Variants in ITIH4 observed in about 807,000 individuals in gnomAD.
The protein encoded by ITIH4 is inter-alpha-trypsin inhibitor heavy chain H4.
ITIH4 carries 79 observed loss-of-function variants against 111.8 expected under a neutral mutation model. The observed-to-expected ratio is 0.71, with a 90% confidence interval of 0.59 to 0.85. ITIH4 has a LOEUF of 0.85. Ranked by LOEUF, ITIH4 falls within the 40% of genes least tolerant of loss-of-function variation. The probability of loss-of-function intolerance (pLI) is 0.00; values close to 1 mark genes in which losing one functional copy is unlikely to be tolerated. For missense variants in ITIH4, 1,065 were observed against 1,195.8 expected (o/e 0.89, Z 1.61); for synonymous variants, 472 against 468.3 (o/e 1.01, Z -0.10).
chr3:52,818,877 A>G, intron 17 of ITIH4: 2 of 353,228 alleles, frequency 5.7e-6, no homozygotes, highest in South Asian at 7.0e-5. Context: ...AGTAAAGGAC[A>G]GGTGAAGTCC....
At chr3:52,827,013 G>T in intron 3 of ITIH4, 60 bp from the exon 4 acceptor site, 3 of 1,612,674 alleles carry the variant, frequency 1.9e-6, no homozygotes, top group East Asian at 2.2e-5. Flanking sequence ...GCTGGTAGAG[G>T]TGGGAGCAGG....
Position 52,825,889 on chromosome 3 carries a change from A to T in ITIH4, c.756T>A (p.Ile252=), listed in dbSNP as rs1700472150. The T allele has an allele frequency of 1.2e-6, 2 of 1,613,480 alleles. No homozygotes were observed. The highest frequency in any genetic ancestry group is 1.7e-6 in the Non-Finnish European group (2 of 1,179,766). Residue 252 remains isoleucine, a synonymous_variant, in exon 6 of 24, where the codon ATT becomes ATA. Transcript: ENST00000266041. ...CTCTTGCCTGAAGTCCACCCACCTG[A>T]ATGGAGCCCCCGGAGATGGCCCGGT... is the stretch of plus-strand genomic sequence containing the variant. The part of the protein sequence containing the change: ...DVDRAISGGS[I]QIENGYFVHY...
rs1700492124 is a variant in ITIH4 at position 52,827,023 on chromosome 3, G to A, written c.356+70C>T. On this transcript the variant is annotated intron_variant, in intron 3 of 23. Coordinates refer to ENST00000266041, the MANE Select transcript of ITIH4 (RefSeq NM_002218.5). ...GTAAGGCTGGTAGAGGTGGGAGCAGGACTAAGGGCCAAAGGCAAGGTGGCC... is the reference window on the plus strand; with the variant it reads ...GTAAGGCTGGTAGAGGTGGGAGCAGAACTAAGGGCCAAAGGCAAGGTGGCC... The A allele has an allele frequency of 3.7e-6, 6 of 1,611,980 alleles. No individual in the cohort carries two copies. The Admixed American group carries it at 5.0e-5, about 13-fold the overall frequency.
intron 6 of ITIH4, 191 bp from the exon 7 acceptor site, chr3:52,825,149 G>A: frequency 2.4e-6 from 1 of 423,314 alleles, no homozygotes; most frequent in Non-Finnish European, 4.2e-6. Flanking sequence ...AGCCTTCCCT[G>A]CTCATGCATA....
At position 52,813,393 on chromosome 3, in the gene ITIH4, A is replaced by G; in HGVS notation, c.*28T>C. 1 of 1,609,032 alleles carries G rather than the reference A, an allele frequency of 6.2e-7. No homozygotes were observed. Among genetic ancestry groups the G allele is most frequent in the Non-Finnish European group, 8.5e-7 (1 of 1,175,394 alleles). On this transcript the variant is annotated 3_prime_UTR_variant, in exon 24 of 24. Coordinates refer to ENST00000266041, the MANE Select transcript of ITIH4 (RefSeq NM_002218.5). ...AGTTGCAGGGGGAAGCCAAGTGTACAGGGTGGGCACAGCTCCTTCCATCAG... is the reference window on the plus strand; with the variant it reads ...AGTTGCAGGGGGAAGCCAAGTGTACGGGGTGGGCACAGCTCCTTCCATCAG...
rs67293153 is a variant in ITIH4 at position 52,812,970 on chromosome 3, AT to A, written c.*450del. On this transcript the variant is annotated 3_prime_UTR_variant, in exon 24 of 24. Transcript: ENST00000266041. Reference sequence around the variant, plus strand: ...AAAGAATTCCAACCCAGTTCACTCTATTTTTTTTTTTTTTTTTTTTGTAGTC... The same window carrying A: ...AAAGAATTCCAACCCAGTTCACTCTATTTTTTTTTTTTTTTTTTTGTAGTC... 5.0e-3 allele frequency: 659 copies of A among 132,808 alleles called. 3 individuals carry two copies. Among genetic ancestry groups the A allele is most frequent in the Middle Eastern group, 0.015 (4 of 260 alleles). 8.2% of individuals were successfully genotyped at this position (132,808 alleles called of 1,614,324 possible). A position where few individuals can be genotyped will look rare whatever the true frequency, so the allele number is the denominator to read the frequency against.
chr3:52,829,044 G>A (rs377598392), intron 2 of ITIH4, 75 bp downstream of exon 2: 3 of 1,352,886 alleles, frequency 2.2e-6, no homozygotes, highest in African/African-American at 1.4e-5. Context: ...TCAAGAAGAG[G>A]GTTTGCTGGC....
At chr3:52,816,111 C>G (rs990191564) in intron 21 of ITIH4, among the ~76,000 whole-genome samples, 1 of 152,214 alleles carries the variant, frequency 6.6e-6, no homozygotes, top group Non-Finnish European at 1.5e-5. Flanking sequence ...ACAAGGCTCT[C>G]CATACTTGGA....
Position 52,823,904 on chromosome 3 carries a change from G to C in ITIH4, c.1272C>G (p.Ala424=), listed in dbSNP as rs759685593. The C allele has an allele frequency of 6.2e-7, 1 of 1,613,136 alleles. No homozygotes were observed. Among genetic ancestry groups the C allele is most frequent in the Non-Finnish European group, 8.5e-7 (1 of 1,179,638 alleles). ...CLGFGFDVSY[A]FLEKLALDNG... ...TGTCCAGTGCCAGCTTCTCCAGGAA[G>C]GCATAGCTGACGTCGAAACCGAAGC... is the stretch of plus-strand genomic sequence containing the variant. Residue 424 remains alanine, a synonymous_variant, in exon 10 of 24, where the codon GCC becomes GCG. Coordinates refer to ENST00000266041, the MANE Select transcript of ITIH4 (RefSeq NM_002218.5).
In ITIH4 at chr3:52,821,064, G is replaced by A; in HGVS notation, c.1606C>T (p.Pro536Ser). The change falls in exon 12 of 24, where the codon CCC (proline) becomes TCC (serine). Residue 536 changes from proline to serine, a missense_variant. By Grantham distance (74) the Pro-to-Ser change is moderately conservative. Transcript: ENST00000266041. ...ATGAAGTTGTGGAAGATATACTTGG[G>A]GCTCTGGAACTCCGCCTCCTGCTCT... ...VAEQEAEFQS[P>S]KYIFHNFMER... is the part of the protein sequence containing the mutation. 1 of 1,614,046 alleles carries A rather than the reference G, an allele frequency of 6.2e-7. No homozygotes were observed. Among genetic ancestry groups the A allele is most frequent in the Non-Finnish European group, 8.5e-7 (1 of 1,180,032 alleles).
In ITIH4 at chr3:52,816,907, C is replaced by T; in HGVS notation, c.2448G>A (p.Glu816=). 1 of 1,613,896 alleles carries T rather than the reference C, an allele frequency of 6.2e-7. No homozygotes were observed. The highest frequency in any genetic ancestry group is 8.5e-7 in the Non-Finnish European group (1 of 1,179,880). Residue 816 remains glutamate (E), a synonymous_variant, in exon 21 of 24, where the codon GAG becomes GAA. Coordinates refer to ENST00000266041, the MANE Select transcript of ITIH4 (RefSeq NM_002218.5). ...ACCCGGGCATCACTGAGAATAGCGT[C>T]TCCTTCCACTTGTACGCAGAGCTTC... ...NRRSSAYKWK[E]TLFSVMPGLK...
At chr3:52,818,809 T>G in intron 17 of ITIH4, 2 of 496,536 alleles carry the variant, frequency 4.0e-6, no homozygotes, top group Non-Finnish European at 7.2e-6. Context: ...AGCCCTCCCT[T>G]CCTAGAAGGT....
rs971294801 is a variant in ITIH4, at chr3:52,822,075, G to A, written c.1540-945C>T. 5.3e-5 allele frequency among the ~76,000 whole-genome samples: 8 copies of A among 152,328 alleles called. No homozygotes were observed. In the South Asian group the frequency reaches 1.7e-3, roughly 32 times the overall value. On this transcript the variant is annotated intron_variant, in intron 11 of 23. Transcript: ENST00000266041. ...ATCTTAGATCTGGGCCAGGTGCGGT[G>A]GCTCACGCCTGTAATCCCAGCACTT...
chr3:52,829,097 AGGAGGGTG>A lies in ITIH4; in HGVS notation c.251+14_251+21del. 1 of 1,130,980 alleles carries A rather than the reference AGGAGGGTG, an allele frequency of 8.8e-7. No homozygotes were observed. Among genetic ancestry groups the A allele is most frequent in the Non-Finnish European group, 1.3e-6 (1 of 796,970 alleles). The allele number at this position is 1,130,980 out of a possible 1,614,324, so 70.1% of individuals were successfully genotyped here. ...TAGCACTGGGGGGTGTGGAGAGGGG[AGGAGGGTG>A]GGAAGGCACCTACATGGAGAAGTTG... On this transcript the variant is annotated intron_variant, in intron 2 of 23. Transcript: ENST00000266041.
Position 52,830,632 on chromosome 3 carries a change from G to T in ITIH4, c.11C>A (p.Pro4Gln). The change falls in exon 1 of 24, where the codon CCA becomes CAA. Residue 4 changes from proline to glutamine, a missense_variant. Physicochemically the swap from Pro to Gln is moderately conservative, Grantham distance 76. Transcript: ENST00000266041. MKP[P>Q]RPVRTCSKVL... ...TTTGCTGCAGGTACGGACAGGCCTTGGGGGCTTCATCGTGGCTCCAGTGTC... is the reference window on the plus strand; with the variant it reads ...TTTGCTGCAGGTACGGACAGGCCTTTGGGGCTTCATCGTGGCTCCAGTGTC... 1 of 1,607,870 alleles carries T rather than the reference G, an allele frequency of 6.2e-7. No homozygotes were observed. The highest frequency in any genetic ancestry group is 8.5e-7 in the Non-Finnish European group (1 of 1,175,312).
Position 52,824,233 on chromosome 3 carries a change from A to T in ITIH4, c.1128T>A (p.Ser376Arg). Reference protein sequence around the residue: ...SNQEERLPEGSVSLIILLTDG... With the variant: ...SNQEERLPEGRVSLIILLTDG... ...CGGTGAGCAGGATGATGAGTGAGACACTCCCTTCGGGCAGCCGCTCCTCCT... is the reference window on the plus strand; with the variant it reads ...CGGTGAGCAGGATGATGAGTGAGACTCTCCCTTCGGGCAGCCGCTCCTCCT... Residue 376 changes from serine to arginine, a missense_variant, in exon 9 of 24, where the codon AGT becomes AGA. By Grantham distance (110) the Ser-to-Arg change is moderately radical. Transcript: ENST00000266041. The surrounding 1 kb of genome is among the most constrained non-coding windows in gnomAD (Gnocchi z 4.3). The T allele has an allele frequency of 6.2e-7, 1 of 1,612,648 alleles. No individual in the cohort carries two copies. Among genetic ancestry groups the T allele is most frequent in the Non-Finnish European group, 8.5e-7 (1 of 1,179,866 alleles).
rs1004753346 is a variant in ITIH4 at position 52,812,967 on chromosome 3, T to A, written c.*454A>T. On this transcript the variant is annotated 3_prime_UTR_variant, in exon 24 of 24. Transcript: ENST00000266041. ...TAGAAAGAATTCCAACCCAGTTCAC[T>A]CTATTTTTTTTTTTTTTTTTTTTGT... is the stretch of plus-strand genomic sequence containing the variant. The A allele has an allele frequency of 7.3e-6, 1 of 137,418 alleles. No homozygotes were observed. The highest frequency in any genetic ancestry group is 3.0e-5 in the African/African-American group (1 of 33,102). The allele number at this position is 137,418 out of a possible 1,614,324, so 8.5% of individuals were successfully genotyped here. A position where few individuals can be genotyped will look rare whatever the true frequency, so the allele number is the denominator to read the frequency against.
Position 52,824,708 on chromosome 3 carries a change from C to G in ITIH4, c.876+134G>C. Reference sequence around the variant, plus strand: ...AACAGGGGCTGCCCTAGGCTCTGGCCAACCTTGGTTCCTGAGAGCCACCCG... The same window carrying G: ...AACAGGGGCTGCCCTAGGCTCTGGCGAACCTTGGTTCCTGAGAGCCACCCG... On this transcript the variant is annotated intron_variant, in intron 7 of 23. Transcript: ENST00000266041. This position sits in a 1 kb window ranked among gnomAD's most constrained non-coding sequence, Gnocchi z 4.3. The G allele has an allele frequency of 7.9e-7, 1 of 1,262,536 alleles. No individual in the cohort carries two copies. The highest frequency in any genetic ancestry group is 2.3e-5 in the East Asian group (1 of 42,920). The allele number at this position is 1,262,536 out of a possible 1,614,324, so 78.2% of individuals were successfully genotyped here. A position where few individuals can be genotyped will look rare whatever the true frequency, so the allele number is the denominator to read the frequency against.
chr3:52,824,643 A>G lies in ITIH4; in HGVS notation c.877-78T>C. ...TGTGCCCTAGGGCTGGCATCCTTGGACTCCTGTCTCAGGGGTGAGGTCATG... is the reference window on the plus strand; with the variant it reads ...TGTGCCCTAGGGCTGGCATCCTTGGGCTCCTGTCTCAGGGGTGAGGTCATG... On this transcript the variant is annotated intron_variant, in intron 7 of 23. Coordinates refer to ENST00000266041, the MANE Select transcript of ITIH4 (RefSeq NM_002218.5). The surrounding 1 kb of genome is among the most constrained non-coding windows in gnomAD (Gnocchi z 4.3). The G allele has an allele frequency of 6.8e-7, 1 of 1,467,210 alleles. No individual in the cohort carries two copies. The highest frequency in any genetic ancestry group is 1.4e-5 in the African/African-American group (1 of 71,444). The allele number at this position is 1,467,210 out of a possible 1,614,324, so 90.9% of individuals were successfully genotyped here.
Sources: allele counts gnomAD v4.1 joint callset (sites outside exome capture counted in the v4.1 genomes callset), GRCh38; gene constraint gnomAD v4.1.1; non-coding constraint Gnocchi (gnomAD v3.1); transcripts MANE v1.5; gene names NCBI Gene and HGNC (gene_info 2026-07-23, HGNC 2026-07-21).